Variants in XXYLT1 observed in about 807,000 individuals in gnomAD.
XXYLT1 encodes xyloside xylosyltransferase 1.
In XXYLT1, 20 loss-of-function variants were observed where a neutral mutation model predicts 28.9. The observed-to-expected ratio is 0.69, with a 90% CI of 0.49 to 1.00. The LOEUF (loss-of-function observed/expected upper bound fraction) is 1.00, where lower values mean the gene tolerates loss of function less well. Among genes scored for constraint, XXYLT1 ranks in the 50% least tolerant of loss-of-function variants. The pLI, the probability that XXYLT1 is intolerant of heterozygous loss-of-function variation, is 0.00. For missense variants in XXYLT1, 542 were observed against 560.1 expected (o/e 0.97, Z 0.33); for synonymous variants, 257 against 253.8 (o/e 1.01, Z -0.12).
chr3:195,143,886 A>ATATATATATT (rs1719687117), intron 3 of XXYLT1, among the ~76,000 whole-genome samples: 1 of 116,850 alleles, frequency 8.6e-6, no homozygotes, highest in African/African-American at 3.5e-5. Flanking sequence ...ATATATATAT[A>ATATATATATT]TATTTATTTT....
intron 1 of XXYLT1, among the ~76,000 whole-genome samples, chr3:195,244,761 C>T (rs1245716921): frequency 7.5e-5 from 2 of 26,532 alleles, no homozygotes; most frequent in African/African-American, 2.7e-4. Flanking sequence ...GACTCTGTCT[C>T]AAAAAAAAAA....
intron 3 of XXYLT1, among the ~76,000 whole-genome samples, chr3:195,117,885 C>T (rs1560105231): frequency 1.3e-5 from 2 of 152,198 alleles, no homozygotes; most frequent in South Asian, 2.1e-4. Context: ...GCCTCCCCGT[C>T]GGAATAACAC....
chr3:195,247,296 G>A (rs114708203), intron 1 of XXYLT1, among the ~76,000 whole-genome samples: 2,262 of 152,302 alleles, frequency 0.015, 18 homozygotes, highest in Non-Finnish European at 0.02. Flanking sequence ...CAAGCCGAGC[G>A]GTGGGAGGGC....
Position 195,133,330 on chromosome 3 carries a change from G to A in XXYLT1, c.785+23119C>T, listed in dbSNP as rs568246305. Among the ~76,000 whole-genome samples the A allele has an allele frequency of 1.3e-5, 2 of 152,298 alleles. No individual in the cohort carries two copies. Among genetic ancestry groups the A allele is most frequent in the East Asian group, 3.9e-4 (2 of 5,180 alleles). On this transcript the variant is annotated intron_variant, in intron 3 of 3. Transcript: ENST00000310380. This position sits in a 1 kb window ranked among gnomAD's most constrained non-coding sequence, Gnocchi z 4.4. ...CATCGGCAGGTGGATAACTGAGCCAGCCCTTGGGGTGGGGAGTGGGAGAGG... is the reference window on the plus strand; with the variant it reads ...CATCGGCAGGTGGATAACTGAGCCAACCCTTGGGGTGGGGAGTGGGAGAGG...
intron 1 of XXYLT1, among the ~76,000 whole-genome samples, chr3:195,249,504 T>G (rs1465331081): frequency 6.6e-6 from 1 of 152,206 alleles, no homozygotes; most frequent in African/African-American, 2.4e-5. Context: ...GCAACGTAGA[T>G]GGACATGAGC....
At chr3:195,103,389 G>GCCAGCGGCCTGCGTCCATCACCTCACA (rs1560095855) in intron 3 of XXYLT1, among the ~76,000 whole-genome samples, 30 of 133,688 alleles carry the variant, frequency 2.2e-4, no homozygotes, top group Middle Eastern at 3.7e-3. Flanking sequence ...ATCACCCCAC[G>GCCAGCGGCCTGCGTCCATCACCTCACA]CCAGCGGCCT....
chr3:195,090,704 C>CA (rs1248615319), intron 3 of XXYLT1, among the ~76,000 whole-genome samples: 5 of 145,992 alleles, frequency 3.4e-5, no homozygotes, highest in African/African-American at 1.3e-4. Context: ...AATAGAGACA[C>CA]AAAAAACCCT....
At chr3:195,119,699 C>T (rs548728960) in intron 3 of XXYLT1, among the ~76,000 whole-genome samples, 41 of 152,292 alleles carry the variant, frequency 2.7e-4, no homozygotes, top group Non-Finnish European at 4.1e-4. Context: ...GTCCTCACTC[C>T]GCAGAACAAT....
In XXYLT1 at chr3:195,076,126, A is replaced by C. The variant is rs897313615; in HGVS notation, c.786-6015T>G. Among the ~76,000 whole-genome samples the C allele has an allele frequency of 6.6e-6, 1 of 152,182 alleles. No homozygotes were observed. The highest frequency in any genetic ancestry group is 1.5e-5 in the Non-Finnish European group (1 of 68,032). Reference sequence around the variant, plus strand: ...GGAGGCTGCCAGGGCCCTGCTTTGCAACTGCTGGCATCTCTGCACCATCTG... The same window carrying C: ...GGAGGCTGCCAGGGCCCTGCTTTGCCACTGCTGGCATCTCTGCACCATCTG... On this transcript the variant is annotated intron_variant, in intron 3 of 3. Coordinates refer to ENST00000310380, the MANE Select transcript of XXYLT1 (RefSeq NM_152531.5). This position sits in a 1 kb window ranked among gnomAD's most constrained non-coding sequence, Gnocchi z 5.3.
intron 1 of XXYLT1, among the ~76,000 whole-genome samples, chr3:195,267,462 G>C (rs1436608246): frequency 6.6e-6 from 1 of 152,232 alleles, no homozygotes; most frequent in Non-Finnish European, 1.5e-5. Flanking sequence ...TTCCTCACCT[G>C]TCATGCTATA....
At position 195,168,589 on chromosome 3, in the gene XXYLT1, G is replaced by A. The variant is rs1375102000; in HGVS notation, c.653-12008C>T. 2.0e-5 allele frequency among the ~76,000 whole-genome samples: 3 copies of A among 152,222 alleles called. No homozygotes were observed. The highest frequency in any genetic ancestry group is 2.9e-5 in the Non-Finnish European group (2 of 68,032). The stretch of plus-strand genomic sequence containing the variant: ...AGCATGGGCAGGCCCTGCTGAGAGA[G>A]GGCCCTGCCTATGAAGGAGAACCAG... On this transcript the variant is annotated intron_variant, in intron 2 of 3. Transcript: ENST00000310380. The surrounding 1 kb of genome is among the most constrained non-coding windows in gnomAD (Gnocchi z 4.3).
intron 3 of XXYLT1, among the ~76,000 whole-genome samples, chr3:195,140,514 G>T (rs1169097115): frequency 6.6e-6 from 1 of 152,184 alleles, no homozygotes; most frequent in Non-Finnish European, 1.5e-5. Flanking sequence ...TAGAAAAGAG[G>T]TTTAATAGAC....
chr3:195,103,634 A>T (rs1716931578), intron 3 of XXYLT1, among the ~76,000 whole-genome samples: 1 of 152,224 alleles, frequency 6.6e-6, no homozygotes, highest in African/African-American at 2.4e-5. Flanking sequence ...CTTTACCTAG[A>T]CTCAGATAAA....
chr3:195,138,278 G>A (rs778519964), intron 3 of XXYLT1, among the ~76,000 whole-genome samples: 1 of 152,210 alleles, frequency 6.6e-6, no homozygotes, highest in Non-Finnish European at 1.5e-5. Flanking sequence ...GATGTAATTA[G>A]AGAGCTGGAC....
intron 3 of XXYLT1, among the ~76,000 whole-genome samples, chr3:195,101,144 C>A (rs966120001): frequency 6.6e-6 from 1 of 152,272 alleles, no homozygotes; most frequent in Non-Finnish European, 1.5e-5. Context: ...GAGGCTATGA[C>A]AAGTACATAA....
chr3:195,086,863 G>C (rs2108654700), intron 3 of XXYLT1, among the ~76,000 whole-genome samples: 1 of 152,278 alleles, frequency 6.6e-6, no homozygotes, highest in East Asian at 1.9e-4. Context: ...CCTGGCTTCT[G>C]TCTTGAGCAT....
At chr3:195,235,576 G>A (rs1335015016) in intron 1 of XXYLT1, among the ~76,000 whole-genome samples, 2 of 152,156 alleles carry the variant, frequency 1.3e-5, no homozygotes, top group Admixed American at 6.5e-5. Context: ...GATGCTAGTG[G>A]ATGTTTGTAG....
chr3:195,179,116 C>A (rs968654207), intron 2 of XXYLT1, among the ~76,000 whole-genome samples: 1 of 151,802 alleles, frequency 6.6e-6, no homozygotes, highest in African/African-American at 2.4e-5. Context: ...CCGAGGCGGG[C>A]GGATCATGAG....
intron 1 of XXYLT1, chr3:195,270,316 G>A: frequency 1.0e-6 from 1 of 979,036 alleles, no homozygotes; most frequent in Non-Finnish European, 1.4e-6. Flanking sequence ...CTGGGGGAGA[G>A]GAAAACGAGG....
Sources: allele counts gnomAD v4.1 joint callset (sites outside exome capture counted in the v4.1 genomes callset), GRCh38; gene constraint gnomAD v4.1.1; non-coding constraint Gnocchi (gnomAD v3.1); transcripts MANE v1.5; gene names NCBI Gene and HGNC (gene_info 2026-07-23, HGNC 2026-07-21).